The following FAM171A1 variants were observed in gnomAD, a reference collection of about 807,000 sequenced individuals.
FAM171A1 encodes the protein family with sequence similarity 171 member A1, also known as protein FAM171A1.
A neutral mutation model predicts 74.9 loss-of-function variants in FAM171A1; 23 were observed. The observed-to-expected ratio is 0.31, with a 90% CI of 0.22 to 0.44. The LOEUF (loss-of-function observed/expected upper bound fraction) is 0.44, where lower values mean the gene tolerates loss of function less well. Ranked by LOEUF, FAM171A1 falls within the 20% of genes least tolerant of loss-of-function variation. FAM171A1 has a pLI of 1.00. For missense variants in FAM171A1, 1,162 were observed against 1,159.2 expected (o/e 1.00, Z -0.03); for synonymous variants, 527 against 505.7 (o/e 1.04, Z -0.57).
At chr10:15,260,891 G>A (rs10752358) in intron 3 of FAM171A1, among the ~76,000 whole-genome samples, 145,993 of 152,256 alleles carry the variant, frequency 0.96, 70,205 homozygotes, top group Non-Finnish European at 1. Context: ...GGGGGGCAAA[G>A]TCACCCCCAA....
intron 1 of FAM171A1, among the ~76,000 whole-genome samples, chr10:15,322,855 T>C (rs1311304614): frequency 2.6e-5 from 4 of 152,208 alleles, no homozygotes; most frequent in African/African-American, 9.6e-5. Flanking sequence ...ACACCTTTTT[T>C]TTGGCTGGGG....
In FAM171A1 at chr10:15,266,935, T is replaced by C. The variant is rs544510527; in HGVS notation, c.418+8920A>G. ...TATCCCGGAGGCCAGGGAGTGTGAG[T>C]TGGCAGAATGGATTTTACTCTGTAG... On this transcript the variant is annotated intron_variant, in intron 3 of 7. Transcript: ENST00000378116. Among the ~76,000 whole-genome samples the C allele has an allele frequency of 3.3e-5, 5 of 150,052 alleles. No individual in the cohort carries two copies. In the South Asian group the frequency reaches 1.1e-3, roughly 32 times the overall value.
intron 1 of FAM171A1, among the ~76,000 whole-genome samples, chr10:15,302,148 C>A (rs989446151): frequency 1.3e-5 from 2 of 152,184 alleles, no homozygotes; most frequent in African/African-American, 4.8e-5. Context: ...CACCTGCCAG[C>A]CACTCTGCTC....
chr10:15,288,240 C>CT (rs1292536288), intron 1 of FAM171A1, among the ~76,000 whole-genome samples: 4 of 152,060 alleles, frequency 2.6e-5, no homozygotes, highest in Non-Finnish European at 2.9e-5. Context: ...ATGCAAGCAT[C>CT]TTTTTCACAT....
At chr10:15,268,515 C>A (rs1176680558) in intron 3 of FAM171A1, among the ~76,000 whole-genome samples, 2 of 151,802 alleles carry the variant, frequency 1.3e-5, no homozygotes, top group African/African-American at 4.8e-5. Flanking sequence ...ACGGGAAGGC[C>A]AAAAATATCA....
chr10:15,360,420 C>G (rs1588571496), intron 1 of FAM171A1, among the ~76,000 whole-genome samples: 3 of 152,230 alleles, frequency 2.0e-5, no homozygotes, highest in Admixed American at 2.0e-4. Flanking sequence ...AGTTCCTTAA[C>G]ATGCTTCCCT....
intron 1 of FAM171A1, among the ~76,000 whole-genome samples, chr10:15,363,767 C>T (rs1402239156): frequency 6.6e-6 from 1 of 152,144 alleles, no homozygotes; most frequent in Non-Finnish European, 1.5e-5. Flanking sequence ...CTCTTTGGGG[C>T]CCACTGAACT....
chr10:15,234,913 C>T (rs889911200), intron 5 of FAM171A1, among the ~76,000 whole-genome samples: 5 of 152,128 alleles, frequency 3.3e-5, no homozygotes, highest in African/African-American at 4.8e-5. Context: ...CCGCCTGCCT[C>T]GGCCCCCCAG....
In FAM171A1 at chr10:15,319,475, C is replaced by T. The variant is rs117633405; in HGVS notation, c.98-35370G>A. 2.4e-3 allele frequency among the ~76,000 whole-genome samples: 367 copies of T among 152,250 alleles called. 5 individuals are homozygous for T. Among genetic ancestry groups the T allele is most frequent in the East Asian group, 9.1e-3 (47 of 5,190 alleles). On this transcript the variant is annotated intron_variant, in intron 1 of 7. Transcript: ENST00000378116. ...TGACATGGAGTCTCACCCTATTGTG[C>T]AGGCTGGAGTGCAGTGGCACGATCT...
chr10:15,245,485 A>C (rs1007627205), intron 5 of FAM171A1, among the ~76,000 whole-genome samples: 9 of 152,242 alleles, frequency 5.9e-5, no homozygotes, highest in South Asian at 2.1e-4. Flanking sequence ...GCCATTCCTT[A>C]AAATCAATCT....
chr10:15,319,101 G>A (rs1434558830), intron 1 of FAM171A1, among the ~76,000 whole-genome samples: 3 of 152,208 alleles, frequency 2.0e-5, no homozygotes. Context: ...TGACACGTCT[G>A]GAGGGATAAA....
At chr10:15,291,610 C>T (rs1425015158) in intron 1 of FAM171A1, among the ~76,000 whole-genome samples, 1 of 152,224 alleles carries the variant, frequency 6.6e-6, no homozygotes, top group East Asian at 1.9e-4. Context: ...CTGAGCGTGA[C>T]TCTGAAGTGG....
chr10:15,294,486 A>G (rs1316355581), intron 1 of FAM171A1, among the ~76,000 whole-genome samples: 1 of 152,280 alleles, frequency 6.6e-6, no homozygotes, highest in African/African-American at 2.4e-5. Context: ...TTCAATTTTT[A>G]TCAGCCAATT....
At chr10:15,353,753 C>T (rs1835903461) in intron 1 of FAM171A1, among the ~76,000 whole-genome samples, 1 of 152,136 alleles carries the variant, frequency 6.6e-6, no homozygotes, top group African/African-American at 2.4e-5. Flanking sequence ...CTGTTCTCTA[C>T]ATGGTACAGC....
At chr10:15,340,442 A>C (rs1835752266) in intron 1 of FAM171A1, among the ~76,000 whole-genome samples, 1 of 152,192 alleles carries the variant, frequency 6.6e-6, no homozygotes, top group Admixed American at 6.5e-5. Context: ...CAATAAACTT[A>C]TAAAGTACAG....
chr10:15,263,240 C>G (rs1336670554), intron 3 of FAM171A1, among the ~76,000 whole-genome samples: 1 of 152,132 alleles, frequency 6.6e-6, no homozygotes, highest in Non-Finnish European at 1.5e-5. Context: ...CCTAGAGGCT[C>G]CGGGAGCCAG....
chr10:15,274,057 A>G (rs939813778), intron 3 of FAM171A1, among the ~76,000 whole-genome samples: 2 of 152,218 alleles, frequency 1.3e-5, no homozygotes, highest in African/African-American at 4.8e-5. Flanking sequence ...GGAGAAAGAA[A>G]TAAAGGGTAT....
chr10:15,213,483 A>T lies in FAM171A1; in HGVS notation c.2105T>A (p.Leu702His). Residue 702 changes from leucine to histidine, a missense_variant, in exon 8 of 8, where the codon CTT becomes CAT. Physicochemically the swap from Leu to His is moderately conservative, Grantham distance 99. Transcript: ENST00000378116. This position sits in a 1 kb window ranked among gnomAD's most constrained non-coding sequence, Gnocchi z 6.8. ...ALMELGGGKP[L>H]PHPRAWFVSL... ...GACGAACCACGCCCGGGGGTGCGGA[A>T]GCGGCTTCCCACCCCCAAGCTCCAT... 1 of 1,614,104 alleles carries T rather than the reference A, an allele frequency of 6.2e-7. No homozygotes were observed. Among genetic ancestry groups the T allele is most frequent in the East Asian group, 2.2e-5 (1 of 44,862 alleles).
chr10:15,367,963 G>A (rs1460218190), intron 1 of FAM171A1, among the ~76,000 whole-genome samples: 1 of 152,166 alleles, frequency 6.6e-6, no homozygotes, highest in African/African-American at 2.4e-5. Context: ...GCTCCTCCAG[G>A]ACAGCTCTCT....
Sources: gnomAD v4.1 joint callset for allele counts (sites outside exome capture counted in the v4.1 genomes callset) on GRCh38, gnomAD v4.1.1 for gene constraint, Gnocchi (gnomAD v3.1) non-coding constraint, MANE v1.5 for transcripts, NCBI Gene and HGNC (gene_info 2026-07-23, HGNC 2026-07-21) for gene names.